Variants in GALNT1 observed in about 807,000 individuals in gnomAD.
GALNT1 encodes polypeptide N-acetylgalactosaminyltransferase 1.
A neutral mutation model predicts 65.7 loss-of-function variants in GALNT1; 17 were observed. The ratio of observed to expected loss-of-function variants is 0.26; its 90% CI spans 0.18 to 0.39. The LOEUF (loss-of-function observed/expected upper bound fraction) is 0.39, where lower values mean the gene tolerates loss of function less well. Among genes scored for constraint, GALNT1 ranks in the 10% least tolerant of loss-of-function variants. The probability of loss-of-function intolerance (pLI) is 1.00; values close to 1 mark genes in which losing one functional copy is unlikely to be tolerated. For missense variants in GALNT1, 460 were observed against 672.8 expected, an observed-to-expected ratio of 0.68 and a Z score of 3.50; for synonymous variants, 210 against 219.7, an observed-to-expected ratio of 0.96 and a Z score of 0.39.
chr18:35,602,153 A>G (rs1034555931), intron 1 of GALNT1, among the ~76,000 whole-genome samples: 2 of 151,748 alleles, frequency 1.3e-5, no homozygotes, highest in East Asian at 3.9e-4. Context: ...TGGGTTGGTA[A>G]TTTTTTTTCT....
rs1168159752 is a variant in GALNT1, at chr18:35,698,764, G to A, written c.1300-4133G>A. Among the ~76,000 whole-genome samples the A allele has an allele frequency of 2.0e-5, 3 of 151,792 alleles. No individual in the cohort carries two copies. In the East Asian group the frequency reaches 5.8e-4, roughly 30 times the overall value. On this transcript the variant is annotated intron_variant, in intron 9 of 11. Coordinates refer to ENST00000269195, the MANE Select transcript of GALNT1 (RefSeq NM_020474.4). ...GAGGCCGAGGTGGGTGGATCATGAC[G>A]TCAGGATTTCAAGACCAGCCTGGCC...
intron 2 of GALNT1, among the ~76,000 whole-genome samples, chr18:35,656,573 G>A (rs183467418): frequency 2.0e-5 from 3 of 152,328 alleles, no homozygotes; most frequent in East Asian, 3.9e-4. Context: ...AGAAGGATGT[G>A]CAAGATTAGC....
intron 3 of GALNT1, among the ~76,000 whole-genome samples, chr18:35,670,526 C>A (rs2047619315): frequency 6.6e-6 from 1 of 152,138 alleles, no homozygotes; most frequent in South Asian, 2.1e-4. Context: ...AACTATCCCA[C>A]ATTCATGGGG....
chr18:35,631,401 C>A (rs1210330879), intron 1 of GALNT1, among the ~76,000 whole-genome samples: 1 of 152,142 alleles, frequency 6.6e-6, no homozygotes, highest in Non-Finnish European at 1.5e-5. Context: ...GCTGGTTCAA[C>A]ATACGCAAAT....
chr18:35,670,653 T>G (rs1197809890), intron 3 of GALNT1, among the ~76,000 whole-genome samples: 4 of 152,224 alleles, frequency 2.6e-5, no homozygotes, highest in Non-Finnish European at 5.9e-5. Context: ...TTCTCAAATG[T>G]GACTGGAAAT....
chr18:35,618,781 G>A (rs952037615), intron 1 of GALNT1, among the ~76,000 whole-genome samples: 1 of 152,002 alleles, frequency 6.6e-6, no homozygotes, highest in Non-Finnish European at 1.5e-5. Flanking sequence ...CCTATAATCA[G>A]CCCTCCAAAG....
At chr18:35,681,914 A>G (rs1261777950) in intron 4 of GALNT1, among the ~76,000 whole-genome samples, 11 of 152,242 alleles carry the variant, frequency 7.2e-5, no homozygotes, top group Admixed American at 3.9e-4. Context: ...TTAGATTTTC[A>G]TTTCTAAATT....
At chr18:35,592,234 A>G (rs2046453926) in intron 1 of GALNT1, among the ~76,000 whole-genome samples, 1 of 152,238 alleles carries the variant, frequency 6.6e-6, no homozygotes, top group African/African-American at 2.4e-5. Context: ...TGTTTGTGCC[A>G]GGCACTGTGA....
intron 1 of GALNT1, among the ~76,000 whole-genome samples, chr18:35,621,955 G>C (rs1370002114): frequency 1.3e-5 from 2 of 152,142 alleles, no homozygotes; most frequent in Non-Finnish European, 2.9e-5. Flanking sequence ...GTCTGCCTGT[G>C]TATGACACCA....
intron 2 of GALNT1, chr18:35,659,710 G>A (rs1337857163): frequency 6.6e-6 from 1 of 152,118 alleles, no homozygotes; most frequent in Non-Finnish European, 1.5e-5. Context: ...ACTTATGCTG[G>A]AATTATTTCA....
At chr18:35,581,626 C>T (rs1469053067), upstream of GALNT1, 2 of 120 alleles carry the variant, frequency 0.017, no homozygotes, top group Non-Finnish European at 0.11. Flanking sequence ...CCGCCCGAGC[C>T]CGCGAGCGGG....
chr18:35,630,103 G>T (rs1343854583), intron 1 of GALNT1, among the ~76,000 whole-genome samples: 8 of 152,082 alleles, frequency 5.3e-5, no homozygotes, highest in Non-Finnish European at 1.0e-4. Context: ...CAATAATAAT[G>T]GGAGACTTTA....
intron 2 of GALNT1, among the ~76,000 whole-genome samples, chr18:35,661,581 T>C (rs893270678): frequency 6.6e-6 from 1 of 152,160 alleles, no homozygotes; most frequent in African/African-American, 2.4e-5. Context: ...ATGGCTAGTT[T>C]TGTGGCATGG....
intron 3 of GALNT1, among the ~76,000 whole-genome samples, chr18:35,668,832 T>C (rs1304249633): frequency 6.6e-6 from 1 of 152,240 alleles, no homozygotes; most frequent in African/African-American, 2.4e-5. Context: ...AAAATCCCAA[T>C]TTTTTAAAAT....
intron 1 of GALNT1, among the ~76,000 whole-genome samples, chr18:35,615,760 T>G (rs1329151968): frequency 1.3e-5 from 2 of 152,208 alleles, no homozygotes; most frequent in East Asian, 3.8e-4. Flanking sequence ...AGCTGTTTCT[T>G]AGGAGAAAAA....
At chr18:35,678,237 C>T (rs117030904) in intron 4 of GALNT1, among the ~76,000 whole-genome samples, 3,730 of 152,118 alleles carry the variant, frequency 0.025, 63 homozygotes, top group Middle Eastern at 0.051. Flanking sequence ...CTATTTTCTC[C>T]ATTTCTAAGT....
In GALNT1 at chr18:35,663,639, G is replaced by C. The variant is rs572266534; in HGVS notation, c.151G>C (p.Val51Leu). Reference protein sequence around the residue: ...GLPAGDVLEPVQKPHEGPGEM... With the variant: ...GLPAGDVLEPLQKPHEGPGEM... Reference sequence around the variant, plus strand: ...CTTCCTATTCTTAGTTCTAGAGCCAGTACAAAAGCCTCATGAAGGTCCTGG... The same window carrying C: ...CTTCCTATTCTTAGTTCTAGAGCCACTACAAAAGCCTCATGAAGGTCCTGG... The change falls in exon 3 of 12, where the codon GTA (valine) becomes CTA (leucine). Residue 51 changes from valine to leucine, a missense_variant. By Grantham distance (32) the Val-to-Leu change is conservative (BLOSUM62 1). Coordinates refer to ENST00000269195, the MANE Select transcript of GALNT1 (RefSeq NM_020474.4). 1.2e-6 allele frequency: 2 copies of C among 1,612,144 alleles called. No homozygotes were observed. Among genetic ancestry groups the C allele is most frequent in the African/African-American group, 2.7e-5 (2 of 74,724 alleles).
intron 1 of GALNT1, among the ~76,000 whole-genome samples, chr18:35,586,188 C>G (rs1007809789): frequency 2.0e-5 from 3 of 152,126 alleles, no homozygotes; most frequent in African/African-American, 2.4e-5. Context: ...ACGTGCATTT[C>G]CTTAAAGGCT....
chr18:35,690,567 A>AAAAT (rs2047945068), intron 7 of GALNT1, among the ~76,000 whole-genome samples: 1 of 152,196 alleles, frequency 6.6e-6, no homozygotes, highest in Non-Finnish European at 1.5e-5. Context: ...TGCAGTTAGA[A>AAAAT]AAATACTGCT....
Sources: allele counts gnomAD v4.1 joint callset (sites outside exome capture counted in the v4.1 genomes callset), GRCh38; gene constraint gnomAD v4.1.1; transcripts MANE v1.5; gene names NCBI Gene and HGNC (gene_info 2026-07-23, HGNC 2026-07-21).